PPFIA2: variants seen among roughly 807,000 people sequenced by gnomAD.
PPFIA2 encodes PPFI scaffold protein A2, also known as liprin-alpha-2.
Under a neutral mutation model 175.5 loss-of-function variants are expected in PPFIA2, and 46 were observed. The ratio of observed to expected loss-of-function variants is 0.26; its 90% confidence interval spans 0.21 to 0.34. PPFIA2 has a LOEUF of 0.34. Ranked by LOEUF, PPFIA2 falls within the 10% of genes least tolerant of loss-of-function variation. The pLI, the probability that PPFIA2 is intolerant of heterozygous loss-of-function variation, is 1.00. For missense variants in PPFIA2, 1,179 were observed against 1,506.1 expected (o/e 0.78, Z 3.60); for synonymous variants, 568 against 511.4 (o/e 1.11, Z -1.49).
intron 3 of PPFIA2, among the ~76,000 whole-genome samples, chr12:81,737,086 A>C (rs542205506): frequency 6.6e-6 from 1 of 152,032 alleles, no homozygotes; most frequent in Non-Finnish European, 1.5e-5. Flanking sequence ...TTTTTAAACA[A>C]ATTTTAATTC....
chr12:81,284,794 G>A (rs774942742), intron 24 of PPFIA2, among the ~76,000 whole-genome samples: 3 of 152,090 alleles, frequency 2.0e-5, no homozygotes, highest in Admixed American at 6.6e-5. Flanking sequence ...AATATAAAGC[G>A]GGAAGCATTA....
At position 81,339,256 on chromosome 12, in the gene PPFIA2, G is replaced by A. The variant is rs1179807399; in HGVS notation, c.2472C>T (p.Ala824=). ...AAGACTTGATTCCTTTCTTCTTGGG[G>A]GCTTTGTGAAGAGAGTCTTGGCTGC... ...ANSSQDSLHK[A]PKKKGIKSSI... Residue 824 remains alanine (A), a synonymous_variant, in exon 21 of 33, where the codon GCC becomes GCT. Coordinates refer to ENST00000549396, the MANE Select transcript of PPFIA2 (RefSeq NM_003625.5). The A allele has an allele frequency of 6.2e-7, 1 of 1,610,740 alleles. No individual in the cohort carries two copies. Among genetic ancestry groups the A allele is most frequent in the Non-Finnish European group, 8.5e-7 (1 of 1,178,300 alleles).
chr12:81,603,696 G>A (rs2153458401), intron 4 of PPFIA2, among the ~76,000 whole-genome samples: 1 of 151,474 alleles, frequency 6.6e-6, no homozygotes, highest in East Asian at 1.9e-4. Context: ...TGTCAGACAT[G>A]GACACATGGC....
At position 81,374,643 on chromosome 12, in the gene PPFIA2, G is replaced by A; in HGVS notation, c.1257C>T (p.Ala419=). 1 of 1,612,154 alleles carries A rather than the reference G, an allele frequency of 6.2e-7. No homozygotes were observed. The highest frequency in any genetic ancestry group is 8.5e-7 in the Non-Finnish European group (1 of 1,178,976). Residue 419 remains alanine, a synonymous_variant, in exon 11 of 33, where the codon GCC becomes GCT. Coordinates refer to ENST00000549396, the MANE Select transcript of PPFIA2 (RefSeq NM_003625.5). ...TGTTCTAGTGCAGTACCTTGGTTAG[G>A]GCTGCAATTCTCTGAGCCAGTTCAG... ...VEAELAQRIA[A]LTKAEERHGN...
At chr12:81,473,045 A>G (rs1046782598) in intron 4 of PPFIA2, 21 of 152,212 alleles carry the variant, frequency 1.4e-4, no homozygotes, top group Non-Finnish European at 1.5e-5. Context: ...TCTATCCTGT[A>G]GCTATTTACT....
rs2062993421 is a variant in PPFIA2 at position 81,628,536 on chromosome 12, C to T, written c.303+48255G>A. Among the ~76,000 whole-genome samples the T allele has an allele frequency of 3.9e-5, 6 of 152,046 alleles. No individual in the cohort carries two copies. The South Asian group carries it at 1.2e-3, about 32-fold the overall frequency. ...GGACTACTGGCATGCACCACCATGT[C>T]TGGCTGATTGCTTTGTATTTTTAAC... On this transcript the variant is annotated intron_variant, in intron 4 of 32. Transcript: ENST00000549396.
chr12:81,357,766 C>T (rs944271291), intron 16 of PPFIA2, among the ~76,000 whole-genome samples: 1 of 152,080 alleles, frequency 6.6e-6, no homozygotes, highest in Admixed American at 6.6e-5. Flanking sequence ...CAAGTTTTGA[C>T]TCCATTACTT....
Position 81,484,212 on chromosome 12 carries a change from G to A in PPFIA2, c.304-26346C>T, listed in dbSNP as rs993680048. 4.0e-5 allele frequency among the ~76,000 whole-genome samples: 6 copies of A among 151,644 alleles called. No homozygotes were observed. The South Asian group carries it at 6.2e-4, about 16-fold the overall frequency. On this transcript the variant is annotated intron_variant, in intron 4 of 32. Coordinates refer to ENST00000549396, the MANE Select transcript of PPFIA2 (RefSeq NM_003625.5). The stretch of plus-strand genomic sequence containing the variant: ...CAGAATAGAAGTCAAAAACTCTTGA[G>A]GTGGCTGTAATGGACAAATAAAAAA...
At chr12:81,322,221 G>A (rs1013978911) in intron 22 of PPFIA2, among the ~76,000 whole-genome samples, 12 of 152,034 alleles carry the variant, frequency 7.9e-5, no homozygotes, top group South Asian at 2.1e-4. Context: ...TGGGAAATAC[G>A]TTCTTAAATA....
At chr12:81,362,077 A>C (rs928483159) in intron 15 of PPFIA2, among the ~76,000 whole-genome samples, 5 of 151,196 alleles carry the variant, frequency 3.3e-5, no homozygotes, top group Admixed American at 6.6e-5. Context: ...GCTGCCATCC[A>C]TTGCTTCTTT....
chr12:81,632,823 G>A (rs2063545771), intron 4 of PPFIA2, among the ~76,000 whole-genome samples: 1 of 152,022 alleles, frequency 6.6e-6, no homozygotes. Context: ...GTCCTGAGGG[G>A]ATTTACAAGG....
At chr12:81,418,417 C>A (rs1249162706) in intron 7 of PPFIA2, among the ~76,000 whole-genome samples, 2 of 151,816 alleles carry the variant, frequency 1.3e-5, no homozygotes, top group Non-Finnish European at 2.9e-5. Context: ...TTTTGTCAGA[C>A]CTGCAAGCTA....
intron 10 of PPFIA2, among the ~76,000 whole-genome samples, chr12:81,374,979 C>T (rs186246518): frequency 1.3e-5 from 2 of 152,256 alleles, no homozygotes; most frequent in African/African-American, 4.8e-5. Context: ...AATGAAGAAG[C>T]TCTTACCACT....
In PPFIA2 at chr12:81,543,202, T is replaced by C. The variant is rs552937934; in HGVS notation, c.304-85336A>G. Among the ~76,000 whole-genome samples the C allele has an allele frequency of 3.3e-5, 5 of 152,156 alleles. No homozygotes were observed. In the East Asian group the frequency reaches 9.7e-4, roughly 30 times the overall value. On this transcript the variant is annotated intron_variant, in intron 4 of 32. Transcript: ENST00000549396. ...AAGAAGTTAAAGATCCACGGAGAAA[T>C]AGCTGATTCTAGGACTGGGTTGGGA...
chr12:81,751,540 C>T (rs2083784511), intron 3 of PPFIA2, among the ~76,000 whole-genome samples: 1 of 149,486 alleles, frequency 6.7e-6, no homozygotes, highest in South Asian at 2.1e-4. Context: ...ATGCTACACA[C>T]ACACACACAC....
chr12:81,344,714 A>G, intron 18 of PPFIA2, 21 bp from the exon 19 acceptor site: 1 of 1,529,282 alleles, frequency 6.5e-7, no homozygotes, highest in East Asian at 2.4e-5. Flanking sequence ...CAGTAATAAA[A>G]ACATAAAACA....
At chr12:81,302,925 C>G (rs563327570) in intron 22 of PPFIA2, among the ~76,000 whole-genome samples, 12 of 152,178 alleles carry the variant, frequency 7.9e-5, no homozygotes, top group African/African-American at 2.9e-4. Context: ...TGATGATATG[C>G]TAATAGATTA....
intron 4 of PPFIA2, among the ~76,000 whole-genome samples, chr12:81,488,879 A>G (rs1567034311): frequency 6.6e-6 from 1 of 151,842 alleles, no homozygotes. Context: ...TGTTTCTGAA[A>G]AGGGCAGGGT....
intron 28 of PPFIA2, among the ~76,000 whole-genome samples, chr12:81,276,126 C>CA (rs764801989): frequency 1.6e-3 from 241 of 151,290 alleles, no homozygotes; most frequent in Non-Finnish European, 1.5e-3. Context: ...TTATTTTTAG[C>CA]AAAAAAAAGC....
Sources: gnomAD v4.1 joint callset for allele counts (sites outside exome capture counted in the v4.1 genomes callset) on GRCh38, gnomAD v4.1.1 for gene constraint, MANE v1.5 for transcripts, NCBI Gene and HGNC (gene_info 2026-07-23, HGNC 2026-07-21) for gene names.